BMPR1B: variants seen among roughly 807,000 people sequenced by gnomAD.
BMPR1B encodes bone morphogenetic protein receptor type 1B, also known as bone morphogenetic protein receptor type-1B.
Under a neutral mutation model 59.1 loss-of-function variants are expected in BMPR1B, and 12 were observed. The ratio of observed to expected loss-of-function variants is 0.20; its 90% CI spans 0.13 to 0.33. The LOEUF is 0.33. Among genes scored for constraint, BMPR1B ranks in the 10% least tolerant of loss-of-function variants. BMPR1B has a pLI of 1.00. For missense variants in BMPR1B, 550 were observed against 610.9 expected (o/e 0.90, Z 1.05); for synonymous variants, 237 against 207.3 (o/e 1.14, Z -1.23).
chr4:95,031,782 C>T (rs1446916471), intron 3 of BMPR1B, among the ~76,000 whole-genome samples: 4 of 152,054 alleles, frequency 2.6e-5, no homozygotes, highest in Admixed American at 6.6e-5. Flanking sequence ...ATTGTTTTGA[C>T]TGGACAGGGT....
At chr4:94,961,015 G>A (rs1478934151) in intron 2 of BMPR1B, among the ~76,000 whole-genome samples, 1 of 152,122 alleles carries the variant, frequency 6.6e-6, no homozygotes, top group African/African-American at 2.4e-5. Context: ...TGGTATAGAA[G>A]GAGCTTGAGT....
intron 3 of BMPR1B, among the ~76,000 whole-genome samples, chr4:95,089,347 A>G (rs1729816900): frequency 6.6e-6 from 1 of 152,066 alleles, no homozygotes; most frequent in Non-Finnish European, 1.5e-5. Context: ...GTTTATTGGG[A>G]GAGCCCATAT....
chr4:94,946,198 G>A (rs138936879), intron 2 of BMPR1B, among the ~76,000 whole-genome samples: 1 of 152,020 alleles, frequency 6.6e-6, no homozygotes, highest in African/African-American at 2.4e-5. Flanking sequence ...GAATCTTTTG[G>A]CAGTTAACTC....
At chr4:95,104,207 G>T in intron 3 of BMPR1B, 3 of 605,664 alleles carry the variant, frequency 5.0e-6, no homozygotes, top group Middle Eastern at 9.1e-4. Context: ...AAGGATTATG[G>T]GTCTTTCTTT....
At chr4:94,931,548 A>G (rs1729091964) in intron 2 of BMPR1B, among the ~76,000 whole-genome samples, 1 of 152,126 alleles carries the variant, frequency 6.6e-6, no homozygotes, top group Admixed American at 6.6e-5. Flanking sequence ...CTCTGCCTGC[A>G]GCTTCTACTC....
At chr4:94,758,740 C>A (rs1427923426) in intron 1 of BMPR1B, among the ~76,000 whole-genome samples, 1 of 151,984 alleles carries the variant, frequency 6.6e-6, no homozygotes, top group Non-Finnish European at 1.5e-5. Context: ...CTGGGTCTTT[C>A]ATTCTCTCCC....
At chr4:94,866,733 G>A (rs955934478) in intron 1 of BMPR1B, among the ~76,000 whole-genome samples, 6 of 151,948 alleles carry the variant, frequency 3.9e-5, no homozygotes, top group Admixed American at 2.0e-4. Flanking sequence ...ACAGGCATGC[G>A]CCACCATGCC....
intron 4 of BMPR1B, among the ~76,000 whole-genome samples, chr4:95,114,117 A>C (rs571497939): frequency 6.6e-6 from 1 of 152,240 alleles, no homozygotes; most frequent in South Asian, 2.1e-4. Flanking sequence ...GAGGTACTAA[A>C]TGTCAGAATC....
At chr4:94,985,199 C>A (rs1721321778) in intron 2 of BMPR1B, among the ~76,000 whole-genome samples, 1 of 151,652 alleles carries the variant, frequency 6.6e-6, no homozygotes, top group Non-Finnish European at 1.5e-5. Context: ...CAGAGGAGGT[C>A]TTGATTAAAA....
At chr4:94,897,652 G>GT (rs924857547) in intron 2 of BMPR1B, among the ~76,000 whole-genome samples, 2 of 151,904 alleles carry the variant, frequency 1.3e-5, no homozygotes, top group African/African-American at 2.4e-5. Context: ...TAACATAAGG[G>GT]TTTTTTTGTT....
At chr4:95,049,418 A>C (rs1726276965) in intron 3 of BMPR1B, among the ~76,000 whole-genome samples, 1 of 103,268 alleles carries the variant, frequency 9.7e-6, no homozygotes, top group Non-Finnish European at 1.9e-5. Context: ...CCAGCATAAA[A>C]GTTTTTTTTT....
At chr4:94,891,672 C>A (rs1727400156) in intron 2 of BMPR1B, among the ~76,000 whole-genome samples, 1 of 151,880 alleles carries the variant, frequency 6.6e-6, no homozygotes, top group Admixed American at 6.6e-5. Context: ...AGGTAACATT[C>A]AAAAATGGAA....
chr4:94,856,438 T>C (rs1266868228), intron 1 of BMPR1B, among the ~76,000 whole-genome samples: 1 of 152,292 alleles, frequency 6.6e-6, no homozygotes, highest in East Asian at 1.9e-4. Context: ...AGCTGACTAC[T>C]GCATCCTGAA....
intron 3 of BMPR1B, among the ~76,000 whole-genome samples, chr4:95,084,817 C>T (rs1170484392): frequency 1.3e-5 from 2 of 152,148 alleles, no homozygotes; most frequent in Admixed American, 6.6e-5. Context: ...ATCGTGAGAA[C>T]CTGTGTTTAC....
At position 94,803,518 on chromosome 4, in the gene BMPR1B, CTCTTT is replaced by C. The variant is rs746376952; in HGVS notation, c.-183+45452_-183+45456del. Among the ~76,000 whole-genome samples, 34 of 152,286 alleles carry C rather than the reference CTCTTT, an allele frequency of 2.2e-4. 1 individual carries two copies. Among genetic ancestry groups the C allele is most frequent in the African/African-American group, 3.4e-4 (14 of 41,570 alleles). Reference sequence around the variant, plus strand: ...TCTACTTATGTTTCTTTCCTTTCTTCTCTTTTATTTTCCTCACAACTATTCTAATA... The same window carrying C: ...TCTACTTATGTTTCTTTCCTTTCTTCTATTTTCCTCACAACTATTCTAATA... On this transcript the variant is annotated intron_variant, in intron 1 of 12. Coordinates refer to ENST00000515059, the MANE Select transcript of BMPR1B (RefSeq NM_001203.3).
intron 1 of BMPR1B, among the ~76,000 whole-genome samples, chr4:94,825,090 A>G (rs942801239): frequency 4.7e-4 from 72 of 152,204 alleles, no homozygotes; most frequent in Admixed American, 4.7e-3. Context: ...GAAGCTCAAT[A>G]ATGTCATTCC....
At chr4:94,791,740 C>T (rs1314532989) in intron 1 of BMPR1B, among the ~76,000 whole-genome samples, 1 of 151,986 alleles carries the variant, frequency 6.6e-6, no homozygotes, top group Non-Finnish European at 1.5e-5. Flanking sequence ...CAAAATCGAC[C>T]AGAAAGAAAT....
chr4:95,013,029 G>C (rs1329702418), intron 3 of BMPR1B, among the ~76,000 whole-genome samples: 2 of 151,398 alleles, frequency 1.3e-5, no homozygotes, highest in African/African-American at 4.9e-5. Flanking sequence ...ATTTTTAAAG[G>C]GGCAATTTAT....
At chr4:94,911,228 G>C (rs34365526) in intron 2 of BMPR1B, among the ~76,000 whole-genome samples, 1 of 152,146 alleles carries the variant, frequency 6.6e-6, no homozygotes, top group Admixed American at 6.6e-5. Flanking sequence ...CTCAATCTTA[G>C]TGAATCTGGA....
Sources: allele counts gnomAD v4.1 joint callset (sites outside exome capture counted in the v4.1 genomes callset), GRCh38; gene constraint gnomAD v4.1.1; transcripts MANE v1.5; gene names NCBI Gene and HGNC (gene_info 2026-07-23, HGNC 2026-07-21).